TVP23A: variants seen among roughly 807,000 people sequenced by gnomAD.
The protein encoded by TVP23A is Golgi apparatus membrane protein TVP23 homolog A.
A neutral mutation model predicts 31.7 loss-of-function variants in TVP23A; 21 were observed. That is an observed-to-expected ratio of 0.66 (90% CI 0.47 to 0.95). The LOEUF is 0.95. TVP23A is among the 40% of genes least tolerant of loss of function. The pLI is 0.00. For missense variants in TVP23A, 279 were observed against 255.6 expected (o/e 1.09, Z -0.62); for synonymous variants, 104 against 96.0 (o/e 1.08, Z -0.49).
chr16:10,776,374 C>CAAAAAATA (rs757171676), intron 2 of TVP23A, among the ~76,000 whole-genome samples: 47 of 151,048 alleles, frequency 3.1e-4, no homozygotes, highest in African/African-American at 9.7e-4. Context: ...GACTCCAACT[C>CAAAAAATA]AAAAAATAAA....
intron 2 of TVP23A, among the ~76,000 whole-genome samples, chr16:10,810,670 C>G (rs977567236): frequency 6.6e-6 from 1 of 152,156 alleles, no homozygotes; most frequent in African/African-American, 2.4e-5. Flanking sequence ...GAGGGAATTT[C>G]CTCTCCCTGC....
downstream of TVP23A, chr16:10,760,909 G>A (rs576307888): frequency 1.2e-5 from 2 of 170,704 alleles, no homozygotes; most frequent in East Asian, 1.6e-4. Flanking sequence ...GCCTGAGACT[G>A]GGTAACCTAT....
intron 2 of TVP23A, among the ~76,000 whole-genome samples, chr16:10,785,435 G>C (rs931811618): frequency 6.6e-6 from 1 of 152,164 alleles, no homozygotes; most frequent in Non-Finnish European, 1.5e-5. Flanking sequence ...TTATAAAAGT[G>C]GGTGGACATA....
Position 10,768,602 on chromosome 16 carries a change from G to A in TVP23A, c.*500C>T, listed in dbSNP as rs2031253933. On this transcript the variant is annotated 3_prime_UTR_variant, in exon 8 of 8. Transcript: ENST00000299866. This position sits in a 1 kb window ranked among gnomAD's most constrained non-coding sequence, Gnocchi z 4.3. The stretch of plus-strand genomic sequence containing the variant: ...AGCCTGGGCAACAGCGTGAGACCGT[G>A]TCTCAAAAAAATAAAAAATAAAAAT... 1 of 157,640 alleles carries A rather than the reference G, an allele frequency of 6.3e-6. No homozygotes were observed. Among genetic ancestry groups the A allele is most frequent in the African/African-American group, 2.4e-5 (1 of 41,564 alleles). The allele number at this position is 157,640 out of a possible 1,614,324, so 9.8% of individuals were successfully genotyped here.
downstream of TVP23A, chr16:10,762,242 C>T (rs574596781): frequency 3.5e-5 from 6 of 172,252 alleles, no homozygotes; most frequent in East Asian, 6.4e-4. Flanking sequence ...GGGGCCGGGC[C>T]TCCTGTGCCC....
chr16:10,771,327 G>GC (rs1340172684), intron 6 of TVP23A, among the ~76,000 whole-genome samples: 1 of 152,068 alleles, frequency 6.6e-6, no homozygotes, highest in African/African-American at 2.4e-5. Flanking sequence ...GGCTGCTTGA[G>GC]CTCAGGAGTT....
At chr16:10,770,576 A>C (rs557718383) in intron 6 of TVP23A, among the ~76,000 whole-genome samples, 17 of 149,818 alleles carry the variant, frequency 1.1e-4, no homozygotes, top group Middle Eastern at 3.4e-3. Flanking sequence ...AAAAAAAAAA[A>C]ACAAAACAAA....
chr16:10,803,900 G>T (rs908061735), intron 2 of TVP23A, among the ~76,000 whole-genome samples: 15 of 151,976 alleles, frequency 9.9e-5, no homozygotes. Context: ...AGTGGTGATG[G>T]GTGCACAACC....
chr16:10,771,617 G>A (rs896015614), intron 6 of TVP23A, 53 bp downstream of exon 6: 21 of 1,603,316 alleles, frequency 1.3e-5, no homozygotes, highest in Non-Finnish European at 1.8e-5. Flanking sequence ...AGGCCACCTT[G>A]ACTTTGACTA....
At chr16:10,815,463 T>C (rs973128915) in intron 2 of TVP23A, among the ~76,000 whole-genome samples, 1 of 152,124 alleles carries the variant, frequency 6.6e-6, no homozygotes, top group Non-Finnish European at 1.5e-5. Flanking sequence ...TAATAGCCAC[T>C]GGTATGCCTA....
chr16:10,802,241 CGTGTGTGTGTGTGTGT>C (rs61036988), intron 2 of TVP23A, among the ~76,000 whole-genome samples: 116 of 130,480 alleles, frequency 8.9e-4, no homozygotes, highest in East Asian at 1.4e-3. Context: ...TTATATGATA[CGTGTGTGTGTGTGTGT>C]GTGTGTGTGT....
chr16:10,792,244 A>C (rs2033146836), intron 2 of TVP23A, among the ~76,000 whole-genome samples: 1 of 152,108 alleles, frequency 6.6e-6, no homozygotes, highest in African/African-American at 2.4e-5. Flanking sequence ...CCATGTCCTT[A>C]ATCTTCTTGG....
chr16:10,769,146 C>T, intron 7 of TVP23A, 45 bp from the exon 8 acceptor site: 2 of 1,591,422 alleles, frequency 1.3e-6, no homozygotes, highest in Non-Finnish European at 8.6e-7. Context: ...CCGAGCGAGG[C>T]ACTCACTGGG....
chr16:10,805,944 C>T (rs2033921899), intron 2 of TVP23A, among the ~76,000 whole-genome samples: 1 of 152,124 alleles, frequency 6.6e-6, no homozygotes, highest in South Asian at 2.1e-4. Context: ...TTTTGGTTGT[C>T]ACAGTGGGGG....
intron 3 of TVP23A, 74 bp downstream of exon 3, chr16:10,774,878 A>T (rs1421623491): frequency 7.3e-7 from 1 of 1,374,194 alleles, no homozygotes; most frequent in South Asian, 1.3e-5. Flanking sequence ...AAACCAAAGT[A>T]CCTCTTGGTA....
chr16:10,794,509 A>G (rs1292308742), intron 2 of TVP23A, among the ~76,000 whole-genome samples: 6 of 152,226 alleles, frequency 3.9e-5, no homozygotes, highest in Non-Finnish European at 5.9e-5. Context: ...AGCTCAACCT[A>G]TAACATCTGC....
intron 2 of TVP23A, among the ~76,000 whole-genome samples, chr16:10,812,618 G>A (rs2034254371): frequency 1.3e-5 from 2 of 152,166 alleles, no homozygotes; most frequent in Non-Finnish European, 2.9e-5. Flanking sequence ...TGAAACTTGA[G>A]GACGTTATGC....
intron 7 of TVP23A, 158 bp from the exon 8 acceptor site, chr16:10,769,259 A>G (rs1555477275): frequency 3.2e-6 from 2 of 619,386 alleles, no homozygotes; most frequent in Non-Finnish European, 5.8e-6. Context: ...AGACACTTTA[A>G]TCATTGAGTA....
At chr16:10,796,038 C>CA (rs1050788980) in intron 2 of TVP23A, among the ~76,000 whole-genome samples, 7 of 151,046 alleles carry the variant, frequency 4.6e-5, no homozygotes, top group Admixed American at 2.0e-4. Flanking sequence ...GCCTGCAAAG[C>CA]AAAAAAAATA....
Sources: gnomAD v4.1 joint callset for allele counts (sites outside exome capture counted in the v4.1 genomes callset) on GRCh38, gnomAD v4.1.1 for gene constraint, Gnocchi (gnomAD v3.1) non-coding constraint, MANE v1.5 for transcripts, NCBI Gene and HGNC (gene_info 2026-07-23, HGNC 2026-07-21) for gene names.